The following GSTCD variants were observed in gnomAD, a reference collection of about 807,000 sequenced individuals.
GSTCD encodes the protein glutathione S-transferase C-terminal domain-containing protein.
In GSTCD, 44 loss-of-function variants were observed where a neutral mutation model predicts 68.3. That is an observed-to-expected ratio of 0.64 (90% CI 0.51 to 0.83). GSTCD has a LOEUF of 0.83. Among genes scored for constraint, GSTCD ranks in the 40% least tolerant of loss-of-function variants. GSTCD has a pLI of 0.00. For synonymous variants in GSTCD, 273 were observed against 255.2 expected (o/e 1.07, Z -0.67); for missense variants, 739 against 735.9 (o/e 1.00, Z -0.05).
intron 5 of GSTCD, among the ~76,000 whole-genome samples, chr4:105,730,936 A>T (rs1457692608): frequency 6.6e-6 from 1 of 152,138 alleles, no homozygotes; most frequent in Non-Finnish European, 1.5e-5. Flanking sequence ...TAAGGAAGGG[A>T]TCGAGTTTCA....
At chr4:105,711,264 T>C (rs1040875549) in intron 1 of GSTCD, among the ~76,000 whole-genome samples, 2 of 129,864 alleles carry the variant, frequency 1.5e-5, no homozygotes, top group Non-Finnish European at 3.0e-5. Flanking sequence ...GAAAAGTAAG[T>C]GTTTGTGATT....
intron 5 of GSTCD, chr4:105,761,510 A>G (rs1734410215): frequency 4.6e-5 from 7 of 152,138 alleles, no homozygotes; most frequent in Admixed American, 4.6e-4. Flanking sequence ...TCAGTTTACT[A>G]AATTTACTAT....
chr4:105,751,707 G>A (rs1734014854), intron 5 of GSTCD, among the ~76,000 whole-genome samples: 1 of 150,312 alleles, frequency 6.7e-6, no homozygotes, highest in Non-Finnish European at 1.5e-5. Context: ...AGGATGTTAT[G>A]GTGTTATAGA....
At chr4:105,732,478 T>C (rs1733283822) in intron 5 of GSTCD, among the ~76,000 whole-genome samples, 1 of 152,216 alleles carries the variant, frequency 6.6e-6, no homozygotes, top group Non-Finnish European at 1.5e-5. Context: ...TTTATTTGCA[T>C]AGAGGTGTTT....
intron 5 of GSTCD, among the ~76,000 whole-genome samples, chr4:105,819,465 T>G (rs1723168253): frequency 6.6e-6 from 1 of 151,834 alleles, no homozygotes; most frequent in Non-Finnish European, 1.5e-5. Flanking sequence ...GTCTTCTTAT[T>G]CATTTCTGTT....
intron 5 of GSTCD, among the ~76,000 whole-genome samples, chr4:105,791,392 C>CAA (rs56388145): frequency 4.0e-4 from 23 of 57,234 alleles, no homozygotes; most frequent in African/African-American, 1.2e-3. Context: ...GACTCCGTCT[C>CAA]AAAAAAAAAA....
At chr4:105,734,016 C>A (rs1733356269) in intron 5 of GSTCD, among the ~76,000 whole-genome samples, 1 of 152,148 alleles carries the variant, frequency 6.6e-6, no homozygotes, top group African/African-American at 2.4e-5. Flanking sequence ...ATATTGGCCC[C>A]CACTCTCTTC....
intron 5 of GSTCD, among the ~76,000 whole-genome samples, chr4:105,821,616 T>C (rs1723295786): frequency 6.6e-6 from 1 of 151,928 alleles, no homozygotes; most frequent in South Asian, 2.1e-4. Context: ...GCTCACATCA[T>C]TACAATAGGA....
chr4:105,787,774 T>TC (rs1409752617), intron 5 of GSTCD, among the ~76,000 whole-genome samples: 1 of 151,976 alleles, frequency 6.6e-6, no homozygotes, highest in East Asian at 1.9e-4. Flanking sequence ...AAAGCTTTTT[T>TC]CCCCCCTTGG....
intron 1 of GSTCD, among the ~76,000 whole-genome samples, chr4:105,717,275 C>T (rs1732707283): frequency 6.6e-6 from 1 of 152,090 alleles, no homozygotes; most frequent in Non-Finnish European, 1.5e-5. Context: ...TTTATTTCCC[C>T]TTCTATTTAT....
chr4:105,790,900 T>C (rs1735638577), intron 5 of GSTCD, among the ~76,000 whole-genome samples: 1 of 151,998 alleles, frequency 6.6e-6, no homozygotes, highest in Admixed American at 6.5e-5. Flanking sequence ...CATCCACTCA[T>C]CCTTATTGTT....
intron 5 of GSTCD, among the ~76,000 whole-genome samples, chr4:105,810,268 C>T (rs1462674443): frequency 6.6e-6 from 1 of 151,980 alleles, no homozygotes; most frequent in Non-Finnish European, 1.5e-5. Context: ...TTTGGTTTCT[C>T]TGTGTATCAT....
intron 5 of GSTCD, among the ~76,000 whole-genome samples, chr4:105,808,311 A>G (rs1262692719): frequency 6.6e-6 from 1 of 152,062 alleles, no homozygotes; most frequent in Non-Finnish European, 1.5e-5. Context: ...GATTCTTTCT[A>G]ATTGCTCAGG....
chr4:105,718,125 AG>A (rs1366331678), intron 2 of GSTCD, 86 bp downstream of exon 2: 1 of 1,055,352 alleles, frequency 9.5e-7, no homozygotes, highest in Non-Finnish European at 1.3e-6. Flanking sequence ...ACTTCCTATT[AG>A]GAATAAAAGT....
At chr4:105,769,307 A>G (rs1037157743) in intron 5 of GSTCD, among the ~76,000 whole-genome samples, 2 of 151,512 alleles carry the variant, frequency 1.3e-5, no homozygotes. Flanking sequence ...GGATAAAGCC[A>G]TCATAAGGCT....
At chr4:105,795,560 ATGTG>A (rs1735852247) in intron 5 of GSTCD, among the ~76,000 whole-genome samples, 1 of 152,036 alleles carries the variant, frequency 6.6e-6, no homozygotes, top group African/African-American at 2.4e-5. Context: ...ACCTGTGTGC[ATGTG>A]TGTATCTATT....
At chr4:105,748,620 A>G (rs1005016982) in intron 5 of GSTCD, among the ~76,000 whole-genome samples, 1 of 152,120 alleles carries the variant, frequency 6.6e-6, no homozygotes, top group East Asian at 1.9e-4. Flanking sequence ...TTAAAATATA[A>G]CAAGATTGCC....
rs544963665 is a variant in GSTCD, at chr4:105,715,846, T to A, written c.-21-1747T>A. Among the ~76,000 whole-genome samples, 5 of 152,192 alleles carry A rather than the reference T, an allele frequency of 3.3e-5. No individual in the cohort carries two copies. In the East Asian group the frequency reaches 9.6e-4, roughly 29 times the overall value. Reference sequence around the variant, plus strand: ...TAATATGTCATGTTTCTGGTACGTATTTCCATGGTGAATACTTTTAAAGAG... The same window carrying A: ...TAATATGTCATGTTTCTGGTACGTAATTCCATGGTGAATACTTTTAAAGAG... On this transcript the variant is annotated intron_variant, in intron 1 of 11. Transcript: ENST00000515279.
At chr4:105,818,895 T>C (rs879617362) in intron 5 of GSTCD, among the ~76,000 whole-genome samples, 1 of 151,790 alleles carries the variant, frequency 6.6e-6, no homozygotes, top group Admixed American at 6.6e-5. Context: ...AGAGCATCAA[T>C]TGGGGTTCAA....
Sources: gnomAD v4.1 joint callset for allele counts (sites outside exome capture counted in the v4.1 genomes callset) on GRCh38, gnomAD v4.1.1 for gene constraint, MANE v1.5 for transcripts, NCBI Gene and HGNC (gene_info 2026-07-23, HGNC 2026-07-21) for gene names.